Variants in RSRC1 observed in about 807,000 individuals in gnomAD.
RSRC1 encodes the protein serine/Arginine-related protein 53.
Under a neutral mutation model 49.1 loss-of-function variants are expected in RSRC1, and 39 were observed. The ratio of observed to expected loss-of-function variants is 0.79; its 90% CI spans 0.61 to 1.04. The LOEUF is 1.04. Ranked by LOEUF, RSRC1 falls within the 50% of genes least tolerant of loss-of-function variation. The pLI, the probability that RSRC1 is intolerant of heterozygous loss-of-function variation, is 0.00. For synonymous variants in RSRC1, 143 were observed against 130.8 expected (o/e 1.09, Z -0.63); for missense variants, 388 against 402.4 (o/e 0.96, Z 0.31).
intron 9 of RSRC1, 108 bp from the exon 10 acceptor site, chr3:158,544,075 A>G (rs1206820851): frequency 1.4e-6 from 1 of 714,576 alleles, no homozygotes; most frequent in Non-Finnish European, 2.4e-6. Flanking sequence ...ACAGTATCCA[A>G]ATCTTGTGTT....
chr3:158,544,764 A>G lies in RSRC1; in HGVS notation c.*489A>G, dbSNP rs1713230626. The G allele has an allele frequency of 6.6e-6, 1 of 152,270 alleles. No individual in the cohort carries two copies. Among genetic ancestry groups the G allele is most frequent in the African/African-American group, 2.4e-5 (1 of 41,480 alleles). 9.4% of individuals were successfully genotyped at this position (152,270 alleles called of 1,614,324 possible). A position where few individuals can be genotyped will look rare whatever the true frequency, so the allele number is the denominator to read the frequency against. ...CCTAAACAATGTAAGCAGAATGTGC[A>G]TGTTAAAGAACATATTTATGGAAAA... On this transcript the variant is annotated 3_prime_UTR_variant, in exon 10 of 10. Coordinates refer to ENST00000611884, the MANE Select transcript of RSRC1 (RefSeq NM_001271838.2).
intron 6 of RSRC1, among the ~76,000 whole-genome samples, chr3:158,454,330 T>C (rs1443594714): frequency 1.3e-5 from 2 of 152,122 alleles, no homozygotes; most frequent in African/African-American, 2.4e-5. Flanking sequence ...AACTATGTCA[T>C]AGAATCATTT....
At chr3:158,224,974 A>G (rs1178682469) in intron 4 of RSRC1, among the ~76,000 whole-genome samples, 2 of 151,904 alleles carry the variant, frequency 1.3e-5, no homozygotes, top group Non-Finnish European at 2.9e-5. Flanking sequence ...TTGTGATAGT[A>G]GAAATACGGT....
At chr3:158,216,667 A>C (rs562312301) in intron 4 of RSRC1, among the ~76,000 whole-genome samples, 1 of 151,874 alleles carries the variant, frequency 6.6e-6, no homozygotes, top group South Asian at 2.1e-4. Flanking sequence ...ATAGTTCTTT[A>C]GAAAAAGGGT....
intron 6 of RSRC1, among the ~76,000 whole-genome samples, chr3:158,459,305 A>C (rs1737499932): frequency 6.6e-6 from 1 of 152,178 alleles, no homozygotes; most frequent in Non-Finnish European, 1.5e-5. Flanking sequence ...TGAAATAGAT[A>C]AATCAGATTT....
intron 6 of RSRC1, among the ~76,000 whole-genome samples, chr3:158,362,244 G>T (rs1475335218): frequency 6.6e-6 from 1 of 152,200 alleles, no homozygotes; most frequent in African/African-American, 2.4e-5. Context: ...GGAGGCTGAG[G>T]TGGGACATTG....
chr3:158,537,212 C>A lies in RSRC1; in HGVS notation c.759+14C>A, dbSNP rs543986995. 3 of 1,482,200 alleles carry A rather than the reference C, an allele frequency of 2.0e-6. No homozygotes were observed. The highest frequency in any genetic ancestry group is 2.8e-5 in the African/African-American group (2 of 70,424). 91.8% of individuals were successfully genotyped at this position (1,482,200 alleles called of 1,614,324 possible). On this transcript the variant is annotated intron_variant, in intron 8 of 9. Coordinates refer to ENST00000611884, the MANE Select transcript of RSRC1 (RefSeq NM_001271838.2). ...GAAGTCAAAAAGGTAAGTTTTTATC[C>A]ACCCATTATGAGTAAACCTTTGGAT...
chr3:158,166,607 GTATT>G (rs1198086353), intron 3 of RSRC1, among the ~76,000 whole-genome samples: 1 of 152,132 alleles, frequency 6.6e-6, no homozygotes, highest in Non-Finnish European at 1.5e-5. Context: ...CTAGATGTGT[GTATT>G]TAGTTCCCTT....
intron 7 of RSRC1, among the ~76,000 whole-genome samples, chr3:158,511,302 T>G (rs557463553): frequency 2.0e-5 from 3 of 151,942 alleles, no homozygotes; most frequent in Non-Finnish European, 4.4e-5. Context: ...TTCCCCTTCC[T>G]GTGTCCATGT....
chr3:158,152,987 G>A (rs963309583), intron 3 of RSRC1, among the ~76,000 whole-genome samples: 1 of 152,104 alleles, frequency 6.6e-6, no homozygotes, highest in Non-Finnish European at 1.5e-5. Flanking sequence ...GCCTAAGTGG[G>A]CACTATATGT....
intron 5 of RSRC1, among the ~76,000 whole-genome samples, chr3:158,305,419 A>G (rs936420630): frequency 2.6e-5 from 4 of 152,080 alleles, no homozygotes; most frequent in African/African-American, 9.7e-5. Context: ...CCCACTTCTC[A>G]TTACTTAAGG....
intron 4 of RSRC1, among the ~76,000 whole-genome samples, chr3:158,262,582 T>C (rs1208951897): frequency 1.3e-5 from 2 of 152,194 alleles, no homozygotes; most frequent in Non-Finnish European, 2.9e-5. Flanking sequence ...ATAATCATCT[T>C]GTCAGTTCTA....
At chr3:158,497,119 T>C (rs1355895801) in intron 7 of RSRC1, among the ~76,000 whole-genome samples, 2 of 152,160 alleles carry the variant, frequency 1.3e-5, no homozygotes, top group Admixed American at 6.5e-5. Context: ...AGTAGTGTTA[T>C]GTATATTCAC....
intron 7 of RSRC1, among the ~76,000 whole-genome samples, chr3:158,477,723 C>CTGT (rs1738426608): frequency 6.7e-6 from 1 of 148,280 alleles, no homozygotes; most frequent in African/African-American, 2.5e-5. Flanking sequence ...CAAAGCATGC[C>CTGT]TGTAATGTAT....
At chr3:158,228,821 AC>A in intron 4 of RSRC1, among the ~76,000 whole-genome samples, 1 of 23,204 alleles carries the variant, frequency 4.3e-5, no homozygotes, top group Non-Finnish European at 8.1e-5. Flanking sequence ...ATGATCATAG[AC>A]ACACGTGTGT....
At chr3:158,268,680 C>T (rs1290307083) in intron 4 of RSRC1, among the ~76,000 whole-genome samples, 1 of 152,106 alleles carries the variant, frequency 6.6e-6, no homozygotes, top group Non-Finnish European at 1.5e-5. Context: ...ACATTTTTTA[C>T]CATGTTACTT....
At chr3:158,223,010 G>A (rs1722309840) in intron 4 of RSRC1, among the ~76,000 whole-genome samples, 1 of 151,556 alleles carries the variant, frequency 6.6e-6, no homozygotes, top group Non-Finnish European at 1.5e-5. Flanking sequence ...TCACTCTTCA[G>A]CACATTTGAG....
At chr3:158,379,631 C>G (rs970333282) in intron 6 of RSRC1, among the ~76,000 whole-genome samples, 3 of 152,004 alleles carry the variant, frequency 2.0e-5, no homozygotes, top group Non-Finnish European at 4.4e-5. Flanking sequence ...CTTAGTATGC[C>G]TTAGTCTCAG....
intron 7 of RSRC1, among the ~76,000 whole-genome samples, chr3:158,494,793 C>T (rs1449648227): frequency 3.9e-5 from 6 of 152,128 alleles, no homozygotes; most frequent in African/African-American, 1.4e-4. Context: ...TCAATATCAA[C>T]GTCTTCCACC....
Sources: gnomAD v4.1 joint callset for allele counts (sites outside exome capture counted in the v4.1 genomes callset) on GRCh38, gnomAD v4.1.1 for gene constraint, MANE v1.5 for transcripts, NCBI Gene and HGNC (gene_info 2026-07-23, HGNC 2026-07-21) for gene names.